HCN1: variants seen among roughly 807,000 people sequenced by gnomAD.
The protein encoded by HCN1 is hyperpolarization activated cyclic nucleotide gated potassium channel 1, also known as potassium/sodium hyperpolarization-activated cyclic nucleotide-gated channel 1.
Under a neutral mutation model 78.9 loss-of-function variants are expected in HCN1, and 13 were observed. The ratio of observed to expected loss-of-function variants is 0.16; its 90% CI spans 0.11 to 0.26. HCN1 has a LOEUF of 0.26. Ranked by LOEUF, HCN1 falls within the 10% of genes least tolerant of loss-of-function variation. The pLI is 1.00. For synonymous variants in HCN1, 552 were observed against 455.5 expected (o/e 1.21, Z -2.70); for missense variants, 810 against 1,154.3 (o/e 0.70, Z 4.32).
At chr5:45,353,072 T>C in intron 5 of HCN1, 28 bp downstream of exon 5, 1 of 1,561,836 alleles carries the variant, frequency 6.4e-7, no homozygotes, top group Non-Finnish European at 8.8e-7. Context: ...GATTATGTAT[T>C]ATGCATACTG....
chr5:45,409,299 T>C (rs1229299860), intron 3 of HCN1, among the ~76,000 whole-genome samples: 1 of 152,052 alleles, frequency 6.6e-6, no homozygotes, highest in East Asian at 1.9e-4. Context: ...TAGCACGTTT[T>C]GCTATGAGTA....
chr5:45,670,847 A>G (rs1301908934), intron 1 of HCN1, among the ~76,000 whole-genome samples: 1 of 151,764 alleles, frequency 6.6e-6, no homozygotes, highest in Non-Finnish European at 1.5e-5. Flanking sequence ...AATATCATCT[A>G]AGATCAGTTT....
chr5:45,454,709 A>AC (rs1740989441), intron 3 of HCN1, among the ~76,000 whole-genome samples: 1 of 152,018 alleles, frequency 6.6e-6, no homozygotes, highest in African/African-American at 2.4e-5. Flanking sequence ...ATCAGTCATT[A>AC]CCTAAGTAGT....
intron 1 of HCN1, among the ~76,000 whole-genome samples, chr5:45,676,816 G>A (rs570270340): frequency 6.6e-6 from 1 of 151,686 alleles, no homozygotes; most frequent in Non-Finnish European, 1.5e-5. Context: ...ATGGGCAAAG[G>A]TTGTGATGAC....
At chr5:45,414,394 T>A (rs1740079010) in intron 3 of HCN1, among the ~76,000 whole-genome samples, 1 of 152,050 alleles carries the variant, frequency 6.6e-6, no homozygotes, top group Admixed American at 6.6e-5. Context: ...TCTCTTGACT[T>A]CTCATCTTAT....
intron 3 of HCN1, among the ~76,000 whole-genome samples, chr5:45,459,709 C>T (rs2111620668): frequency 6.6e-6 from 1 of 152,014 alleles, no homozygotes; most frequent in African/African-American, 2.4e-5. Context: ...TCTATGATGA[C>T]AATTGGTATT....
chr5:45,624,577 TG>T (rs1471865285), intron 2 of HCN1, among the ~76,000 whole-genome samples: 1 of 152,056 alleles, frequency 6.6e-6, no homozygotes, highest in African/African-American at 2.4e-5. Flanking sequence ...CACTGGGTTT[TG>T]GTTTAACAGG....
intron 2 of HCN1, among the ~76,000 whole-genome samples, chr5:45,579,907 C>G (rs959723944): frequency 2.0e-5 from 3 of 152,080 alleles, no homozygotes; most frequent in Admixed American, 2.0e-4. Flanking sequence ...TGATAAACCT[C>G]TAAATGTTGA....
In HCN1 at chr5:45,680,250, T is replaced by C. The variant is rs1179055002; in HGVS notation, c.425+15419A>G. Among the ~76,000 whole-genome samples, 4 of 152,124 alleles carry C rather than the reference T, an allele frequency of 2.6e-5. No homozygotes were observed. The East Asian group carries it at 7.7e-4, about 29-fold the overall frequency. The stretch of plus-strand genomic sequence containing the variant: ...AAAATAATTCTACATTTGACTGACT[T>C]TCAAAACAAGCCTGAAAATGCTTTA... On this transcript the variant is annotated intron_variant, in intron 1 of 7. Coordinates refer to ENST00000303230, the MANE Select transcript of HCN1 (RefSeq NM_021072.4).
chr5:45,372,088 T>C (rs1221672847), intron 4 of HCN1, among the ~76,000 whole-genome samples: 1 of 57,538 alleles, frequency 1.7e-5, no homozygotes, highest in Non-Finnish European at 2.7e-5. Flanking sequence ...ATAATATAAT[T>C]ATATATATAT....
intron 2 of HCN1, among the ~76,000 whole-genome samples, chr5:45,496,092 G>A (rs1334506128): frequency 1.3e-5 from 2 of 152,058 alleles, no homozygotes; most frequent in Non-Finnish European, 2.9e-5. Flanking sequence ...CACGGCTTTG[G>A]TATCAGAATG....
intron 2 of HCN1, among the ~76,000 whole-genome samples, chr5:45,478,419 CT>C (rs1363822313): frequency 6.6e-6 from 1 of 152,158 alleles, no homozygotes; most frequent in Non-Finnish European, 1.5e-5. Flanking sequence ...AATGTCAAAG[CT>C]GAGCAATGTC....
intron 2 of HCN1, among the ~76,000 whole-genome samples, chr5:45,640,415 T>C (rs1220156362): frequency 6.6e-6 from 1 of 152,122 alleles, no homozygotes; most frequent in African/African-American, 2.4e-5. Flanking sequence ...TATCTATGTC[T>C]GGCAAAAGGA....
intron 2 of HCN1, among the ~76,000 whole-genome samples, chr5:45,584,981 T>G (rs1579983869): frequency 6.6e-6 from 1 of 152,170 alleles, no homozygotes; most frequent in Non-Finnish European, 1.5e-5. Context: ...TCATTTCAAC[T>G]TTGGTGAATC....
chr5:45,596,873 A>C (rs1023262746), intron 2 of HCN1, among the ~76,000 whole-genome samples: 2 of 152,214 alleles, frequency 1.3e-5, no homozygotes, highest in African/African-American at 4.8e-5. Context: ...AGAATATCTT[A>C]AGTGAAAAGG....
At chr5:45,330,289 T>C (rs1746318086) in intron 5 of HCN1, among the ~76,000 whole-genome samples, 1 of 151,296 alleles carries the variant, frequency 6.6e-6, no homozygotes. Context: ...GTTTACACTG[T>C]TGTGCTTTAA....
At chr5:45,647,726 C>T (rs1312291602) in intron 1 of HCN1, among the ~76,000 whole-genome samples, 1 of 152,078 alleles carries the variant, frequency 6.6e-6, no homozygotes, top group Non-Finnish European at 1.5e-5. Context: ...ATCTCCTCTC[C>T]CACATATATT....
intron 2 of HCN1, among the ~76,000 whole-genome samples, chr5:45,548,045 G>A (rs1743265993): frequency 1.3e-5 from 2 of 151,704 alleles, no homozygotes; most frequent in Admixed American, 1.3e-4. Flanking sequence ...GATATAACAG[G>A]ATTATTTTAA....
chr5:45,438,597 A>G (rs1277410481), intron 3 of HCN1, among the ~76,000 whole-genome samples: 3 of 151,930 alleles, frequency 2.0e-5, no homozygotes, highest in Non-Finnish European at 4.4e-5. Flanking sequence ...CTCAAAAAAA[A>G]AAAAACAAAA....
Sources: allele counts gnomAD v4.1 joint callset (sites outside exome capture counted in the v4.1 genomes callset), GRCh38; gene constraint gnomAD v4.1.1; transcripts MANE v1.5; gene names NCBI Gene and HGNC (gene_info 2026-07-23, HGNC 2026-07-21).